SH3TC1: variants seen among roughly 807,000 people sequenced by gnomAD.
SH3TC1 encodes SH3 domain and tetratricopeptide repeat-containing protein 1.
Under a neutral mutation model 117.3 loss-of-function variants are expected in SH3TC1, and 135 were observed. The ratio of observed to expected loss-of-function variants is 1.15; its 90% CI spans 1.00 to 1.33. SH3TC1 has a LOEUF of 1.33. Among genes scored for constraint, SH3TC1 ranks in the 40% most tolerant of loss-of-function variants. The pLI, the probability that SH3TC1 is intolerant of heterozygous loss-of-function variation, is 0.00. For synonymous variants in SH3TC1, 898 were observed against 816.9 expected, an observed-to-expected ratio of 1.10 and a Z score of -1.69; for missense variants, 2,092 against 1,794.3, an observed-to-expected ratio of 1.17 and a Z score of -3.00.
intron 5 of SH3TC1, among the ~76,000 whole-genome samples, chr4:8,215,797 G>A (rs778117311): frequency 9.9e-5 from 15 of 152,210 alleles, no homozygotes; most frequent in South Asian, 6.2e-4. Flanking sequence ...TACCCCCTGC[G>A]GCCTGCACGG....
chr4:8,217,564 G>A (rs886502125), intron 7 of SH3TC1, among the ~76,000 whole-genome samples: 1 of 152,240 alleles, frequency 6.6e-6, no homozygotes, highest in Non-Finnish European at 1.5e-5. Context: ...GCAAACTCCT[G>A]TTCACTTGCT....
chr4:8,228,430 G>C lies in SH3TC1; in HGVS notation c.2736G>C (p.Leu912=). 2 of 1,605,266 alleles carry C rather than the reference G, an allele frequency of 1.2e-6. No homozygotes were observed. Among genetic ancestry groups the C allele is most frequent in the Non-Finnish European group, 1.7e-6 (2 of 1,175,668 alleles). ...QAVGLANFGA[L]CLHAGASRLA... Reference sequence around the variant, plus strand: ...TGGGGCTGGCCAACTTCGGGGCCCTGTGCCTGCATGCGGGTGCCAGCAGGC... The same window carrying C: ...TGGGGCTGGCCAACTTCGGGGCCCTCTGCCTGCATGCGGGTGCCAGCAGGC... Residue 912 remains leucine, a synonymous_variant, in exon 12 of 18, where the codon CTG becomes CTC. Transcript: ENST00000245105.
rs1315543050 is a variant in SH3TC1 at position 8,186,051 on chromosome 4, G to T, written c.-57+3841G>T. Among the ~76,000 whole-genome samples the T allele has an allele frequency of 1.3e-5, 2 of 152,212 alleles. No homozygotes were observed. The highest frequency in any genetic ancestry group is 2.9e-5 in the Non-Finnish European group (2 of 68,042). On this transcript the variant is annotated intron_variant, in intron 1 of 16. Coordinates refer to the SH3TC1 transcript ENST00000508641. This position sits in a 1 kb window ranked among gnomAD's most constrained non-coding sequence, Gnocchi z 5.2. ...CATTTCCTACATTTTACGGTGATAGGCAGGAGCTGTCCGCGCGGGCCCCTC... is the reference window on the plus strand; with the variant it reads ...CATTTCCTACATTTTACGGTGATAGTCAGGAGCTGTCCGCGCGGGCCCCTC...
chr4:8,233,538 G>A (rs745820616), intron 14 of SH3TC1, 25 bp downstream of exon 14: 17 of 1,580,672 alleles, frequency 1.1e-5, no homozygotes, highest in Non-Finnish European at 1.5e-5. Flanking sequence ...ATGCAGGAGG[G>A]CCTCTGCACA....
chr4:8,197,752 T>C (rs115652090), upstream of SH3TC1, among the ~76,000 whole-genome samples: 1,033 of 152,268 alleles, frequency 6.8e-3, 8 homozygotes, highest in African/African-American at 0.023. Context: ...CATCTGCAGC[T>C]GCACCCCCGA....
chr4:8,193,320 T>C (rs1561673140), intron 1 of SH3TC1, among the ~76,000 whole-genome samples: 1 of 152,206 alleles, frequency 6.6e-6, no homozygotes, highest in Non-Finnish European at 1.5e-5. Flanking sequence ...TTTTATGGCA[T>C]TGTAGATTAA....
chr4:8,184,412 G>T (rs965495219), intron 1 of SH3TC1, among the ~76,000 whole-genome samples: 1 of 152,116 alleles, frequency 6.6e-6, no homozygotes, highest in African/African-American at 2.4e-5. Flanking sequence ...ACAGGCTGTT[G>T]CTCTGTGCCC....
In SH3TC1 at chr4:8,227,458, G is replaced by A. The variant is rs1380800026; in HGVS notation, c.1764G>A (p.Gly588=). ...GGGTGTACTTTGAGGAAGCGCTGGG[G>A]GCCCTGGAGGGCAGCTTCGGGGACC... ...QARVYFEEAL[G]ALEGSFGDLF... Residue 588 remains glycine (G), a synonymous_variant, in exon 12 of 18, where the codon GGG becomes GGA. Coordinates refer to ENST00000245105, the MANE Select transcript of SH3TC1 (RefSeq NM_018986.5). The A allele has an allele frequency of 6.4e-7, 1 of 1,562,856 alleles. No homozygotes were observed. Among genetic ancestry groups the A allele is most frequent in the East Asian group, 2.2e-5 (1 of 44,578 alleles).
In SH3TC1 at chr4:8,205,290, C is replaced by G; in HGVS notation, c.96C>G (p.Val32=). The G allele has an allele frequency of 6.4e-7, 1 of 1,550,476 alleles. No homozygotes were observed. The highest frequency in any genetic ancestry group is 8.7e-7 in the Non-Finnish European group (1 of 1,147,014). ...PSGGGSTRDQ[V]RTVVMRPSVS... is the part of the protein sequence containing the mutation. Reference sequence around the variant, plus strand: ...GAGGTGGCAGCACCCGGGACCAGGTCCGGACTGTGGTCATGAGGCCCTCTG... The same window carrying G: ...GAGGTGGCAGCACCCGGGACCAGGTGCGGACTGTGGTCATGAGGCCCTCTG... The change falls in exon 2 of 18, where the codon GTC becomes GTG. Residue 32 remains valine, a synonymous_variant. Transcript: ENST00000245105. The surrounding 1 kb of genome is among the most constrained non-coding windows in gnomAD (Gnocchi z 5.4).
At chr4:8,194,248 C>G (rs1033547198) in intron 1 of SH3TC1, among the ~76,000 whole-genome samples, 13 of 152,218 alleles carry the variant, frequency 8.5e-5, no homozygotes, top group African/African-American at 2.4e-4. Context: ...TCACGCTGCT[C>G]TGTCCCAGGT....
chr4:8,186,218 T>C lies in SH3TC1; in HGVS notation c.-57+4008T>C, dbSNP rs1415079234. ...TCCGAACCAAGACCAGCAGCAAAAT[T>C]TGCTTGTTGCACATTAAAAGTAATG... On this transcript the variant is annotated intron_variant, in intron 1 of 16. Coordinates refer to the SH3TC1 transcript ENST00000508641. The surrounding 1 kb of genome is among the most constrained non-coding windows in gnomAD (Gnocchi z 5.2). Among the ~76,000 whole-genome samples, 2 of 152,258 alleles carry C rather than the reference T, an allele frequency of 1.3e-5. No individual in the cohort carries two copies. Among genetic ancestry groups the C allele is most frequent in the East Asian group, 3.9e-4 (2 of 5,172 alleles).
intron 15 of SH3TC1, 169 bp downstream of exon 15, chr4:8,235,724 C>T (rs145892287): frequency 7.3e-4 from 685 of 937,022 alleles, no homozygotes; most frequent in African/African-American, 5.3e-3. Context: ...GCCCCCCGCC[C>T]GGGACAAACA....
rs951848759 is a variant in SH3TC1, at chr4:8,183,499, C to T, written c.-57+1289C>T. The stretch of plus-strand genomic sequence containing the variant: ...TGGCAAGCAGCCCCACCCAAGCAGG[C>T]GGCTCCAGGCTTGGCTGGGATCCCG... On this transcript the variant is annotated intron_variant, in intron 1 of 16. Coordinates refer to the SH3TC1 transcript ENST00000508641. The surrounding 1 kb of genome is among the most constrained non-coding windows in gnomAD (Gnocchi z 5.4). Among the ~76,000 whole-genome samples the T allele has an allele frequency of 6.6e-6, 1 of 152,212 alleles. No homozygotes were observed. The highest frequency in any genetic ancestry group is 1.5e-5 in the Non-Finnish European group (1 of 68,036).
At chr4:8,207,077 C>A (rs1291627071) in intron 2 of SH3TC1, among the ~76,000 whole-genome samples, 9 of 138,642 alleles carry the variant, frequency 6.5e-5, no homozygotes, top group African/African-American at 8.1e-5. Context: ...TCCTTTATAG[C>A]AAAAAAAAAA....
chr4:8,235,383 T>G, intron 14 of SH3TC1, 50 bp from the exon 15 acceptor site: 1 of 1,416,144 alleles, frequency 7.1e-7, no homozygotes, highest in South Asian at 1.8e-5. Flanking sequence ...TGGGTGGGCG[T>G]GGCCACCTCA....
intron 11 of SH3TC1, among the ~76,000 whole-genome samples, chr4:8,226,707 A>G (rs3796758): frequency 0.66 from 100,710 of 152,140 alleles, 33,488 homozygotes; most frequent in East Asian, 0.81. Context: ...TCAGGTGGGC[A>G]ACAAAGGAGG....
chr4:8,236,470 G>A, intron 16 of SH3TC1, 42 bp downstream of exon 16: 1 of 1,423,054 alleles, frequency 7.0e-7, no homozygotes. Context: ...CCCACACTTT[G>A]CCAGAGCTCA....
At chr4:8,216,047 C>T (rs1006939575) in intron 5 of SH3TC1, 64 bp from the exon 6 acceptor site, 48 of 1,586,058 alleles carry the variant, frequency 3.0e-5, no homozygotes, top group Non-Finnish European at 4.0e-5. Context: ...TGGGACCACA[C>T]AGGCTTCCCT....
rs141641395 is a variant in SH3TC1, at chr4:8,236,329, C to A, written c.3457C>A (p.Arg1153=). ...VTTGNRKAEL[R]LCNKLVALLA... The stretch of plus-strand genomic sequence containing the variant: ...TACGGGCAACCGCAAGGCGGAGCTG[C>A]GGCTGTGCAACAAGCTGGTGGCACT... Residue 1153 remains arginine, a synonymous_variant, in exon 16 of 18, where the codon CGG becomes AGG. Transcript: ENST00000245105. The A allele has an allele frequency of 1.9e-6, 3 of 1,553,538 alleles. No homozygotes were observed. The highest frequency in any genetic ancestry group is 1.4e-5 in the African/African-American group (1 of 73,442).
Sources: allele counts gnomAD v4.1 joint callset (sites outside exome capture counted in the v4.1 genomes callset), GRCh38; gene constraint gnomAD v4.1.1; non-coding constraint Gnocchi (gnomAD v3.1); transcripts MANE v1.5; gene names NCBI Gene and HGNC (gene_info 2026-07-23, HGNC 2026-07-21).